Variants in GRIN2B observed in about 807,000 individuals in gnomAD.
GRIN2B encodes the protein glutamate ionotropic receptor NMDA type subunit 2B, also known as glutamate receptor ionotropic, NMDA 2B.
Under a neutral mutation model 114.5 loss-of-function variants are expected in GRIN2B, and 5 were observed. The observed-to-expected ratio is 0.04, with a 90% CI of 0.02 to 0.09. GRIN2B has a LOEUF of 0.09. GRIN2B is among the 10% of genes least tolerant of loss of function. The probability of loss-of-function intolerance (pLI) is 1.00; values close to 1 mark genes in which losing one functional copy is unlikely to be tolerated. For synonymous variants in GRIN2B, 787 were observed against 745.1 expected (o/e 1.06, Z -0.92); for missense variants, 1,108 against 1,943.5 (o/e 0.57, Z 8.08).
chr12:13,720,871 C>T (rs551137662), intron 4 of GRIN2B, among the ~76,000 whole-genome samples: 1 of 152,064 alleles, frequency 6.6e-6, no homozygotes, highest in Admixed American at 6.6e-5. Context: ...GGGATAAGCA[C>T]TTTAGAAACT....
At chr12:13,667,409 G>T (rs931791000) in intron 5 of GRIN2B, among the ~76,000 whole-genome samples, 1 of 151,952 alleles carries the variant, frequency 6.6e-6, no homozygotes, top group African/African-American at 2.4e-5. Context: ...CAAATTAAGG[G>T]TTTTCATTTT....
At chr12:13,891,003 A>G (rs80232262) in intron 2 of GRIN2B, among the ~76,000 whole-genome samples, 2,961 of 152,278 alleles carry the variant, frequency 0.019, 91 homozygotes, top group African/African-American at 0.068. Flanking sequence ...AAGCCAGCCA[A>G]TCTCCGCTCC....
intron 3 of GRIN2B, among the ~76,000 whole-genome samples, chr12:13,819,468 G>A (rs543060924): frequency 9.2e-5 from 14 of 152,254 alleles, no homozygotes; most frequent in African/African-American, 2.6e-4. Context: ...ATCCCTGAAA[G>A]GGAATATATA....
chr12:13,607,307 A>C lies in GRIN2B; in HGVS notation c.2010+1296T>G, dbSNP rs1309590972. Among the ~76,000 whole-genome samples the C allele has an allele frequency of 1.1e-4, 8 of 72,066 alleles. No individual in the cohort carries two copies. The East Asian group carries it at 2.5e-3, about 22-fold the overall frequency. The allele number at this position is 72,066 out of a possible 152,430, so 47.3% of individuals were successfully genotyped here. ...TATATATTATATAAAAATATATATT[A>C]TATATAATATAAAATATATAATATA... is the stretch of plus-strand genomic sequence containing the variant. On this transcript the variant is annotated intron_variant, in intron 10 of 13. Transcript: ENST00000609686.
intron 4 of GRIN2B, among the ~76,000 whole-genome samples, 176 bp from the exon 5 acceptor site, chr12:13,676,035 C>T (rs1950071204): frequency 2.0e-5 from 3 of 152,124 alleles, no homozygotes; most frequent in South Asian, 4.2e-4. Context: ...TAGAGTCATC[C>T]AAGTTTTCAC....
intron 3 of GRIN2B, among the ~76,000 whole-genome samples, chr12:13,827,124 G>T (rs1865052698): frequency 6.7e-6 from 1 of 148,234 alleles, no homozygotes; most frequent in African/African-American, 2.5e-5. Context: ...ACCTTTGTTA[G>T]TTTGAATATT....
At chr12:13,920,520 C>G (rs977670848) in intron 2 of GRIN2B, among the ~76,000 whole-genome samples, 12 of 152,176 alleles carry the variant, frequency 7.9e-5, no homozygotes, top group African/African-American at 2.7e-4. Flanking sequence ...TCTCTAAGCT[C>G]TCTTTTGCAT....
chr12:13,823,758 T>C (rs1236172984), intron 3 of GRIN2B, among the ~76,000 whole-genome samples: 5 of 152,124 alleles, frequency 3.3e-5, no homozygotes, highest in African/African-American at 1.2e-4. Flanking sequence ...TATTCACTTT[T>C]TCACTATTGA....
At chr12:13,800,865 T>C (rs897428066) in intron 3 of GRIN2B, among the ~76,000 whole-genome samples, 5 of 152,228 alleles carry the variant, frequency 3.3e-5, no homozygotes, top group African/African-American at 1.2e-4. Context: ...CTATGCTATA[T>C]TCTGATGTAA....
chr12:13,838,064 G>C (rs1387847748), intron 3 of GRIN2B, among the ~76,000 whole-genome samples: 1 of 152,158 alleles, frequency 6.6e-6, no homozygotes, highest in Non-Finnish European at 1.5e-5. Flanking sequence ...ACTTAGAAGA[G>C]AGTTACAAGA....
At chr12:13,667,575 G>A (rs1455080337) in intron 5 of GRIN2B, among the ~76,000 whole-genome samples, 1 of 152,114 alleles carries the variant, frequency 6.6e-6, no homozygotes, top group Non-Finnish European at 1.5e-5. Flanking sequence ...TCTAATCATA[G>A]GGAACCAGTT....
chr12:13,939,006 T>C (rs1867182684), intron 2 of GRIN2B, among the ~76,000 whole-genome samples: 1 of 152,174 alleles, frequency 6.6e-6, no homozygotes, highest in African/African-American at 2.4e-5. Flanking sequence ...AAAAGAGAAA[T>C]GGAGAATTAG....
intron 4 of GRIN2B, among the ~76,000 whole-genome samples, chr12:13,731,325 C>T (rs745918543): frequency 3.3e-5 from 5 of 152,106 alleles, no homozygotes; most frequent in Non-Finnish European, 7.4e-5. Flanking sequence ...TCTTAAAATC[C>T]AAAAGCCATC....
At chr12:13,676,544 G>T (rs949167020) in intron 4 of GRIN2B, among the ~76,000 whole-genome samples, 2 of 152,196 alleles carry the variant, frequency 1.3e-5, no homozygotes, top group Non-Finnish European at 2.9e-5. Flanking sequence ...ATGCGGCCTG[G>T]TGCATAGTAG....
intron 3 of GRIN2B, among the ~76,000 whole-genome samples, chr12:13,819,568 T>C (rs1364398384): frequency 1.3e-5 from 2 of 152,192 alleles, no homozygotes; most frequent in African/African-American, 4.8e-5. Context: ...AGCGTGTATT[T>C]ACCAAATACT....
chr12:13,637,690 G>A (rs1453822182), intron 5 of GRIN2B, among the ~76,000 whole-genome samples: 6 of 152,136 alleles, frequency 3.9e-5, no homozygotes, highest in Non-Finnish European at 7.4e-5. Flanking sequence ...ATAGTAAGCA[G>A]GACCCTGATG....
At chr12:13,830,793 AGAG>A (rs1865131323) in intron 3 of GRIN2B, among the ~76,000 whole-genome samples, 1 of 152,242 alleles carries the variant, frequency 6.6e-6, no homozygotes, top group Non-Finnish European at 1.5e-5. Flanking sequence ...TTTTTCTGCA[AGAG>A]AAGAGGAAAT....
At chr12:13,822,633 A>G (rs958955050) in intron 3 of GRIN2B, among the ~76,000 whole-genome samples, 3 of 152,174 alleles carry the variant, frequency 2.0e-5, no homozygotes, top group African/African-American at 7.2e-5. Context: ...ATAAAACCAT[A>G]CAAAAACACA....
chr12:13,979,204 A>T (rs1159920411), intron 2 of GRIN2B, among the ~76,000 whole-genome samples: 1 of 152,204 alleles, frequency 6.6e-6, no homozygotes, highest in Non-Finnish European at 1.5e-5. Context: ...ACAGGAAAAA[A>T]TACAAATTAA....
Sources: gnomAD v4.1 joint callset for allele counts (sites outside exome capture counted in the v4.1 genomes callset) on GRCh38, gnomAD v4.1.1 for gene constraint, MANE v1.5 for transcripts, NCBI Gene and HGNC (gene_info 2026-07-23, HGNC 2026-07-21) for gene names.